Variants in DDB1 observed in about 807,000 individuals in gnomAD.
The protein encoded by DDB1 is DNA damage-binding protein 1.
In DDB1, 18 loss-of-function variants were observed where a neutral mutation model predicts 133.1. That is an observed-to-expected ratio of 0.14 (90% CI 0.09 to 0.20). The LOEUF is 0.20. Ranked by LOEUF, DDB1 falls within the 10% of genes least tolerant of loss-of-function variation. DDB1 has a pLI of 1.00. For missense variants in DDB1, 828 were observed against 1,459.2 expected (o/e 0.57, Z 7.05); for synonymous variants, 580 against 550.5 (o/e 1.05, Z -0.75).
At chr11:61,326,716 G>A (rs1354091022) in intron 5 of DDB1, 63 bp downstream of exon 5, 19 of 1,358,124 alleles carry the variant, frequency 1.4e-5, no homozygotes, top group East Asian at 6.9e-5. Flanking sequence ...GTGAGGGAGC[G>A]AACAAGAACA....
intron 10 of DDB1, among the ~76,000 whole-genome samples, chr11:61,320,808 C>T (rs1856165513): frequency 6.6e-6 from 1 of 152,006 alleles, no homozygotes. Context: ...GACATGACAG[C>T]TATGTTCCAT....
At position 61,316,334 on chromosome 11, in the gene DDB1, T is replaced by C; in HGVS notation, c.1361A>G (p.Asp454Gly). The C allele has an allele frequency of 6.2e-7, 1 of 1,614,186 alleles. No homozygotes were observed. ...EETELMGFVD[D>G]QQTFFCGNVA... ...GTTGCCACAGAAGAAAGTCTGCTGA[T>C]CATCCACGAAACCCATCAGTTCGGT... Residue 454 changes from aspartate to glycine, a missense_variant, in exon 12 of 27, where the codon GAT becomes GGT. Transcript: ENST00000301764.
At chr11:61,317,305 G>A (rs946081425) in intron 10 of DDB1, among the ~76,000 whole-genome samples, 2 of 151,594 alleles carry the variant, frequency 1.3e-5, no homozygotes, top group African/African-American at 4.8e-5. Flanking sequence ...AGTAGAGACA[G>A]GGTTTCACCA....
chr11:61,328,832 C>T (rs1001336440), intron 4 of DDB1, among the ~76,000 whole-genome samples: 1 of 151,842 alleles, frequency 6.6e-6, no homozygotes. Flanking sequence ...ATCAGGCCAT[C>T]GCACTCCGGC....
At position 61,323,044 on chromosome 11, in the gene DDB1, G is replaced by C; in HGVS notation, c.972C>G (p.Val324=). Residue 324 remains valine, a synonymous_variant, in exon 8 of 27, where the codon GTC becomes GTG. Transcript: ENST00000301764. ...GCTGGGAGTCACCCAGGCGAGACCC[G>C]ACAAACACAACACCATTATCAAGGT... ...LTYLDNGVVF[V]GSRLGDSQLV... is the part of the protein sequence containing the mutation. The C allele has an allele frequency of 6.2e-7, 1 of 1,613,846 alleles. No homozygotes were observed. Among genetic ancestry groups the C allele is most frequent in the Non-Finnish European group, 8.5e-7 (1 of 1,179,936 alleles).
At chr11:61,328,574 G>C (rs1482405081) in intron 4 of DDB1, among the ~76,000 whole-genome samples, 1 of 152,156 alleles carries the variant, frequency 6.6e-6, no homozygotes, top group Non-Finnish European at 1.5e-5. Context: ...TAAAATAGAA[G>C]TTAAGAGCCA....
In DDB1 at chr11:61,331,532, G is replaced by GC. The variant is rs1164761158; in HGVS notation, c.210+10dup. On this transcript the variant is annotated intron_variant, in intron 2 of 26. Transcript: ENST00000301764. ...TCCCCCTCCACTGCTTGTCCCAACT[G>GC]CAACACTTACCTTGGGCCTGAAAAG... 1.2e-6 allele frequency: 2 copies of GC among 1,612,454 alleles called. No individual in the cohort carries two copies.
Position 61,316,670 on chromosome 11 carries a change from T to G in DDB1, c.1226-103A>C, listed in dbSNP as rs1856072801. 3 of 1,243,552 alleles carry G rather than the reference T, an allele frequency of 2.4e-6. No homozygotes were observed. In the South Asian group the frequency reaches 3.6e-5, roughly 15 times the overall value. 77.0% of individuals were successfully genotyped at this position (1,243,552 alleles called of 1,614,324 possible). A position where few individuals can be genotyped will look rare whatever the true frequency, so the allele number is the denominator to read the frequency against. Reference sequence around the variant, plus strand: ...GGGGCAGTGGCTCATGCCTATAATCTCAACACTTGGGAAGGCAGAGGCAGG... The same window carrying G: ...GGGGCAGTGGCTCATGCCTATAATCGCAACACTTGGGAAGGCAGAGGCAGG... On this transcript the variant is annotated intron_variant, in intron 10 of 26. Coordinates refer to ENST00000301764, the MANE Select transcript of DDB1 (RefSeq NM_001923.5).
At chr11:61,327,720 G>T (rs1856292534) in intron 4 of DDB1, among the ~76,000 whole-genome samples, 2 of 152,250 alleles carry the variant, frequency 1.3e-5, no homozygotes, top group South Asian at 4.2e-4. Flanking sequence ...TCCTGGGACT[G>T]CCAAGGTCAC....
chr11:61,311,979 T>C lies in DDB1; in HGVS notation c.2165+10A>G. On this transcript the variant is annotated intron_variant, in intron 17 of 26. Coordinates refer to ENST00000301764, the MANE Select transcript of DDB1 (RefSeq NM_001923.5). The stretch of plus-strand genomic sequence containing the variant: ...ACCCCCACTTCCCACTCTCCCACCC[T>C]GGGCCTCACCTTGGAGACTCATAGA... 1 of 1,614,134 alleles carries C rather than the reference T, an allele frequency of 6.2e-7. No individual in the cohort carries two copies. Among genetic ancestry groups the C allele is most frequent in the Non-Finnish European group, 8.5e-7 (1 of 1,179,974 alleles).
intron 5 of DDB1, chr11:61,326,246 T>C (rs1856268272): frequency 4.5e-6 from 1 of 222,006 alleles, no homozygotes; most frequent in Non-Finnish European, 8.9e-6. Context: ...CATGGGCAGG[T>C]CCCTCTGGCC....
At chr11:61,318,255 G>A (rs984656345) in intron 10 of DDB1, among the ~76,000 whole-genome samples, 3 of 152,044 alleles carry the variant, frequency 2.0e-5, no homozygotes, top group Non-Finnish European at 4.4e-5. Flanking sequence ...TCAGTATTTT[G>A]CTATAACATA....
intron 10 of DDB1, among the ~76,000 whole-genome samples, chr11:61,319,110 T>C (rs1160302521): frequency 1.3e-5 from 2 of 152,152 alleles, no homozygotes; most frequent in Non-Finnish European, 2.9e-5. Context: ...GAGGCTGACA[T>C]AGAGAAGATC....
At position 61,323,632 on chromosome 11, in the gene DDB1, C is replaced by T. The variant is rs930145938; in HGVS notation, c.921+347G>A. The T allele has an allele frequency of 1.1e-5, 3 of 265,478 alleles. No individual in the cohort carries two copies. In the East Asian group the frequency reaches 2.6e-4, roughly 23 times the overall value. The allele number at this position is 265,478 out of a possible 1,614,324, so 16.4% of individuals were successfully genotyped here. A position where few individuals can be genotyped will look rare whatever the true frequency, so the allele number is the denominator to read the frequency against. On this transcript the variant is annotated intron_variant, in intron 7 of 26. Transcript: ENST00000301764. ...TTTGCCATATTGCCCAGGCTAATCT[C>T]GAACTCCTGGGGCTCACACAATCTG...
intron 10 of DDB1, among the ~76,000 whole-genome samples, chr11:61,316,942 GATAGATATATATATATATATATAT>G (rs1471654120): frequency 0.045 from 1,210 of 27,062 alleles, 110 homozygotes; most frequent in Non-Finnish European, 0.083. Flanking sequence ...AAAAAAAAAG[GATAGATATATATATATATATATAT>G]ATATATATAT....
chr11:61,325,759 A>G lies in DDB1; in HGVS notation c.665-51T>C, dbSNP rs369563035. 9 of 1,483,260 alleles carry G rather than the reference A, an allele frequency of 6.1e-6. No homozygotes were observed. In the African/African-American group the frequency reaches 8.2e-5, roughly 14 times the overall value. The allele number at this position is 1,483,260 out of a possible 1,614,324, so 91.9% of individuals were successfully genotyped here. A position where few individuals can be genotyped will look rare whatever the true frequency, so the allele number is the denominator to read the frequency against. On this transcript the variant is annotated intron_variant, in intron 5 of 26. Coordinates refer to ENST00000301764, the MANE Select transcript of DDB1 (RefSeq NM_001923.5). The stretch of plus-strand genomic sequence containing the variant: ...ATGCTCAGCACTCTGGGTCTGCCAA[A>G]CCAGGACTGGCAAAAGTACAGGTCT...
rs534241657 is a variant in DDB1, at chr11:61,331,015, C to T, written c.210+528G>A. Among the ~76,000 whole-genome samples the T allele has an allele frequency of 1.2e-3, 180 of 152,290 alleles. 1 individual carries two copies. Among genetic ancestry groups the T allele is most frequent in the Middle Eastern group, 6.8e-3 (2 of 294 alleles). Reference sequence around the variant, plus strand: ...TATGATAGGCCCTATGTTACTGAATCATTTCATCGTCACAACAACCCAGGG... The same window carrying T: ...TATGATAGGCCCTATGTTACTGAATTATTTCATCGTCACAACAACCCAGGG... On this transcript the variant is annotated intron_variant, in intron 2 of 26. Transcript: ENST00000301764.
chr11:61,316,758 C>T (rs1040576312), intron 10 of DDB1, among the ~76,000 whole-genome samples, 191 bp from the exon 11 acceptor site: 2 of 150,778 alleles, frequency 1.3e-5, no homozygotes, highest in Admixed American at 6.6e-5. Context: ...CTTGTCCCTG[C>T]TAAAAATACA....
Position 61,311,823 on chromosome 11 carries a change from A to G in DDB1, c.2238T>C (p.Ser746=). The change falls in exon 18 of 27, where the codon AGT becomes AGC. Residue 746 remains serine, a synonymous_variant. Transcript: ENST00000301764. ...TGGGCCTCAAGGCTGTCGTGCCCCCACTCGTGTCTTGGACTTCAATGCGGC... is the reference window on the plus strand; with the variant it reads ...TGGGCCTCAAGGCTGTCGTGCCCCCGCTCGTGTCTTGGACTTCAATGCGGC... ...LSSRIEVQDT[S]GGTTALRPSA... is the part of the protein sequence containing the mutation. 2 of 1,613,734 alleles carry G rather than the reference A, an allele frequency of 1.2e-6. No homozygotes were observed. The highest frequency in any genetic ancestry group is 1.7e-6 in the Non-Finnish European group (2 of 1,179,910).
Sources: gnomAD v4.1 joint callset for allele counts (sites outside exome capture counted in the v4.1 genomes callset) on GRCh38, gnomAD v4.1.1 for gene constraint, MANE v1.5 for transcripts, NCBI Gene and HGNC (gene_info 2026-07-23, HGNC 2026-07-21) for gene names.